The following MLIP variants were observed in gnomAD, a reference collection of about 807,000 sequenced individuals.
MLIP encodes muscular LMNA interacting protein, also known as muscular LMNA-interacting protein.
A neutral mutation model predicts 84.8 loss-of-function variants in MLIP; 79 were observed. That is an observed-to-expected ratio of 0.93 (90% CI 0.78 to 1.12). The LOEUF is 1.12. Ranked by LOEUF, MLIP falls within the 50% of genes most tolerant of loss-of-function variation. The pLI, the probability that MLIP is intolerant of heterozygous loss-of-function variation, is 0.00. For synonymous variants in MLIP, 504 were observed against 463.0 expected (o/e 1.09, Z -1.14); for missense variants, 1,257 against 1,160.6 (o/e 1.08, Z -1.21).
upstream of MLIP, among the ~76,000 whole-genome samples, chr6:54,106,882 A>G (rs1769056269): frequency 6.6e-6 from 1 of 152,198 alleles, no homozygotes; most frequent in Admixed American, 6.5e-5. Flanking sequence ...TTTACAGCTA[A>G]GTAACTGGAT....
chr6:54,198,804 AC>A (rs990188913), intron 10 of MLIP, among the ~76,000 whole-genome samples: 2 of 152,022 alleles, frequency 1.3e-5, no homozygotes, highest in Non-Finnish European at 2.9e-5. Flanking sequence ...AAATCCAGAG[AC>A]ACAGTGGGAA....
chr6:54,254,126 G>T (rs1185672257), intron 12 of MLIP, among the ~76,000 whole-genome samples: 1 of 133,680 alleles, frequency 7.5e-6, no homozygotes, highest in Non-Finnish European at 1.5e-5. Flanking sequence ...TTGTTTTTTT[G>T]CTGTTTTTTT....
At chr6:54,163,257 T>C (rs1774843943) in intron 8 of MLIP, among the ~76,000 whole-genome samples, 1 of 151,956 alleles carries the variant, frequency 6.6e-6, no homozygotes, top group African/African-American at 2.4e-5. Flanking sequence ...ACTTTCCTTT[T>C]TTTCATACCC....
intron 1 of MLIP, chr6:54,046,248 A>T (rs1057409588): frequency 9.5e-5 from 14 of 148,064 alleles, no homozygotes; most frequent in Non-Finnish European, 1.8e-4. Flanking sequence ...AATAAAGGCT[A>T]TCCTTAAAGG....
At chr6:54,239,594 G>A (rs558602403) in intron 12 of MLIP, among the ~76,000 whole-genome samples, 109 of 148,740 alleles carry the variant, frequency 7.3e-4, no homozygotes, top group African/African-American at 2.5e-3. Flanking sequence ...AACATCCAAC[G>A]TGGTGAAACC....
intron 11 of MLIP, chr6:54,217,955 G>T: frequency 2.0e-6 from 2 of 985,420 alleles, no homozygotes; most frequent in Non-Finnish European, 2.4e-6. Context: ...TGGAAGTAGG[G>T]CACAAGTTAG....
intron 1 of MLIP, chr6:54,029,242 A>T (rs1763989188): frequency 6.6e-6 from 1 of 152,176 alleles, no homozygotes; most frequent in Non-Finnish European, 1.5e-5. Context: ...CAACATTCAG[A>T]TGTTGGAATT....
At chr6:54,185,595 AT>A (rs1374388631) in intron 9 of MLIP, among the ~76,000 whole-genome samples, 1 of 152,228 alleles carries the variant, frequency 6.6e-6, no homozygotes, top group East Asian at 1.9e-4. Flanking sequence ...ATACTAAAAA[AT>A]ATTAGTAATA....
intron 12 of MLIP, among the ~76,000 whole-genome samples, chr6:54,252,279 C>G (rs181823877): frequency 0.044 from 4,660 of 104,980 alleles, 124 homozygotes; most frequent in East Asian, 0.11. Context: ...TATAATATAA[C>G]TATAATATAT....
chr6:54,080,231 C>T (rs763353468), intron 1 of MLIP, among the ~76,000 whole-genome samples: 1 of 152,146 alleles, frequency 6.6e-6, no homozygotes, highest in African/African-American at 2.4e-5. Context: ...TGCAAATGTA[C>T]CTTACTGTAT....
At chr6:54,193,117 G>C (rs534034808) in intron 10 of MLIP, among the ~76,000 whole-genome samples, 1 of 152,292 alleles carries the variant, frequency 6.6e-6, no homozygotes, top group East Asian at 1.9e-4. Context: ...GTTTACTCTG[G>C]AAGCCAAATG....
Position 54,069,869 on chromosome 6 carries a change from C to T in MLIP, c.63+50778C>T, listed in dbSNP as rs777178082. Among the ~76,000 whole-genome samples the T allele has an allele frequency of 1.6e-4, 16 of 99,930 alleles. 7 individuals carry two copies. Among genetic ancestry groups the T allele is most frequent in the Non-Finnish European group, 4.6e-4 (16 of 34,828 alleles). The allele number at this position is 99,930 out of a possible 152,430, so 65.6% of individuals were successfully genotyped here. On this transcript the variant is annotated intron_variant, in intron 1 of 12. Transcript: ENST00000274897. ...CCACAAGACAAGCTTAAACTATTTC[C>T]TATTTCTCTTTGATACTATAAAGTT...
upstream of MLIP, among the ~76,000 whole-genome samples, chr6:54,109,046 C>CATAT (rs35182047): frequency 3.4e-4 from 50 of 148,138 alleles, no homozygotes; most frequent in South Asian, 2.1e-3. Flanking sequence ...TTTATGTCTT[C>CATAT]ATATATATAT....
At chr6:54,089,809 T>C (rs1161890143) in intron 1 of MLIP, among the ~76,000 whole-genome samples, 2 of 152,144 alleles carry the variant, frequency 1.3e-5, no homozygotes, top group Admixed American at 1.3e-4. Context: ...ATCTTCAACA[T>C]TTTCAAAACT....
At chr6:54,240,072 C>T (rs1175150655) in intron 12 of MLIP, among the ~76,000 whole-genome samples, 1 of 152,106 alleles carries the variant, frequency 6.6e-6, no homozygotes, top group African/African-American at 2.4e-5. Flanking sequence ...TGTTGTATGC[C>T]TATACTTGAA....
At chr6:54,225,551 G>A (rs1780520341) in intron 11 of MLIP, among the ~76,000 whole-genome samples, 1 of 152,120 alleles carries the variant, frequency 6.6e-6, no homozygotes, top group East Asian at 1.9e-4. Flanking sequence ...TGTAGCAAGT[G>A]TAACATTGTT....
At chr6:54,157,285 C>T (rs974049716) in intron 5 of MLIP, among the ~76,000 whole-genome samples, 10 of 151,988 alleles carry the variant, frequency 6.6e-5, no homozygotes, top group Non-Finnish European at 1.3e-4. Context: ...AAAGTAAGGC[C>T]CAATATTGTG....
At chr6:54,116,577 G>C (rs1769941773) in intron 1 of MLIP, among the ~76,000 whole-genome samples, 2 of 152,180 alleles carry the variant, frequency 1.3e-5, no homozygotes, top group Non-Finnish European at 2.9e-5. Context: ...GAACAGTCAT[G>C]AATAAGAAAG....
In MLIP at chr6:54,090,438, T is replaced by G. The variant is rs773084915; in HGVS notation, c.64-31009T>G. ...TACCTCCATAACTAGTTAGCAAGTTTGATAGACATTCTAGGCTTCCTATTT... is the reference window on the plus strand; with the variant it reads ...TACCTCCATAACTAGTTAGCAAGTTGGATAGACATTCTAGGCTTCCTATTT... On this transcript the variant is annotated intron_variant, in intron 1 of 12. Transcript: ENST00000274897. Among the ~76,000 whole-genome samples, 3 of 152,168 alleles carry G rather than the reference T, an allele frequency of 2.0e-5. No individual in the cohort carries two copies. In the South Asian group the frequency reaches 6.2e-4, roughly 32 times the overall value.
Sources: allele counts gnomAD v4.1 joint callset (sites outside exome capture counted in the v4.1 genomes callset), GRCh38; gene constraint gnomAD v4.1.1; transcripts MANE v1.5; gene names NCBI Gene and HGNC (gene_info 2026-07-23, HGNC 2026-07-21).